The following ZNF33A variants were observed in gnomAD, a reference collection of about 807,000 sequenced individuals.
The protein encoded by ZNF33A is brain my041 protein.
In ZNF33A, 9 loss-of-function variants were observed where a neutral mutation model predicts 15.9. The observed-to-expected ratio is 0.57, with a 90% confidence interval of 0.34 to 0.99. ZNF33A has a LOEUF of 0.99. ZNF33A is among the 50% of genes least tolerant of loss of function. The pLI is 0.02. For synonymous variants in ZNF33A, 294 were observed against 324.2 expected (o/e 0.91, Z 1.00); for missense variants, 843 against 941.6 (o/e 0.90, Z 1.37).
downstream of ZNF33A, among the ~76,000 whole-genome samples, chr10:38,060,311 A>C (rs1423601454): frequency 6.6e-6 from 1 of 152,162 alleles, no homozygotes; most frequent in Non-Finnish European, 1.5e-5. Context: ...GTAACTTAGC[A>C]GACAGTCCTC....
chr10:38,043,801 TTC>T (rs2065822332), intron 4 of ZNF33A: 1 of 152,140 alleles, frequency 6.6e-6, no homozygotes, highest in Non-Finnish European at 1.5e-5. Context: ...GAAGTTGTAT[TTC>T]TCTTGATGCT....
At chr10:38,029,004 T>C (rs2065102226) in intron 4 of ZNF33A, among the ~76,000 whole-genome samples, 2 of 152,236 alleles carry the variant, frequency 1.3e-5, no homozygotes, top group Non-Finnish European at 2.9e-5. Flanking sequence ...TACGTCTTTA[T>C]ACATTGTGTA....
rs1471176723 is a variant in ZNF33A at position 38,010,702 on chromosome 10, A to G, written c.-126A>G. On this transcript the variant is annotated 5_prime_UTR_variant, in exon 1 of 5. Transcript: ENST00000432900. Reference sequence around the variant, plus strand: ...TTCCGCCTTTCCTTTTGTTTTTCTCAGGTTTTGCGTGGGAGGCGGTCCCGG... The same window carrying G: ...TTCCGCCTTTCCTTTTGTTTTTCTCGGGTTTTGCGTGGGAGGCGGTCCCGG... The G allele has an allele frequency of 6.3e-7, 1 of 1,597,592 alleles. No individual in the cohort carries two copies. The highest frequency in any genetic ancestry group is 1.1e-5 in the South Asian group (1 of 91,062).
At chr10:38,067,658 G>T (rs191155107), downstream of ZNF33A, among the ~76,000 whole-genome samples, 1 of 152,108 alleles carries the variant, frequency 6.6e-6, no homozygotes, top group Non-Finnish European at 1.5e-5. Context: ...GATTAACTGG[G>T]TGCAGGGCAT....
chr10:38,013,998 A>G (rs598857), intron 2 of ZNF33A, among the ~76,000 whole-genome samples: 112,830 of 147,364 alleles, frequency 0.77, 43,154 homozygotes, highest in South Asian at 0.88. Context: ...TGACAGGAAC[A>G]TTTTGGCCTG....
Position 38,047,180 on chromosome 10 carries a change from C to A in ZNF33A, c.251-7195C>A, listed in dbSNP as rs1318549531. 6.3e-5 allele frequency among the ~76,000 whole-genome samples: 7 copies of A among 111,796 alleles called. No homozygotes were observed. The East Asian group carries it at 1.8e-3, about 28-fold the overall frequency. 73.3% of individuals were successfully genotyped at this position (111,796 alleles called of 152,430 possible). On this transcript the variant is annotated intron_variant, in intron 4 of 4. Transcript: ENST00000432900. ...GGTGATGGAGTGAGACCGTCTCCCC[C>A]CACCCCTGCCAAAAAAAAAAAAAAA...
At chr10:38,036,317 A>G (rs904745992) in intron 4 of ZNF33A, among the ~76,000 whole-genome samples, 8 of 152,136 alleles carry the variant, frequency 5.3e-5, no homozygotes, top group African/African-American at 1.9e-4. Context: ...TGCGCCTGTA[A>G]TCCCAGCTCC....
At chr10:38,032,048 G>A (rs2065236422) in intron 4 of ZNF33A, among the ~76,000 whole-genome samples, 2 of 152,136 alleles carry the variant, frequency 1.3e-5, no homozygotes, top group African/African-American at 2.4e-5. Flanking sequence ...CTTTCTATAT[G>A]AGAGATGCTG....
At position 38,058,058 on chromosome 10, in the gene ZNF33A, A is replaced by T; in HGVS notation, c.*1498A>T. 1.0e-6 allele frequency: 1 copy of T among 984,366 alleles called. No individual in the cohort carries two copies. Among genetic ancestry groups the T allele is most frequent in the Non-Finnish European group, 1.2e-6 (1 of 828,942 alleles). The allele number at this position is 984,366 out of a possible 1,614,324, so 61.0% of individuals were successfully genotyped here. A position where few individuals can be genotyped will look rare whatever the true frequency, so the allele number is the denominator to read the frequency against. On this transcript the variant is annotated 3_prime_UTR_variant, in exon 5 of 5. Transcript: ENST00000432900. ...TAATCTAAGATTATACAGTCTAGTG[A>T]TCCTAGATTACACAAGTAATCTAAG...
intron 4 of ZNF33A, among the ~76,000 whole-genome samples, chr10:38,019,494 A>G (rs1475933220): frequency 6.6e-6 from 1 of 152,196 alleles, no homozygotes; most frequent in Non-Finnish European, 1.5e-5. Flanking sequence ...AAAATTTTCA[A>G]AGTAGCCAGA....
intron 4 of ZNF33A, among the ~76,000 whole-genome samples, chr10:38,050,336 A>G (rs1590679515): frequency 6.6e-6 from 1 of 152,230 alleles, no homozygotes; most frequent in Non-Finnish European, 1.5e-5. Context: ...GGCTTTTTCA[A>G]CATTTGAAAA....
chr10:38,017,128 A>G (rs2064489989), intron 3 of ZNF33A, 113 bp downstream of exon 3: 2 of 1,472,260 alleles, frequency 1.4e-6, no homozygotes, highest in East Asian at 2.3e-5. Flanking sequence ...TTCAGGAGTC[A>G]GTGTTGATTG....
intron 4 of ZNF33A, chr10:38,039,516 A>T (rs2065604074): frequency 2.2e-6 from 1 of 455,948 alleles, no homozygotes; most frequent in South Asian, 1.5e-5. Context: ...CATGAGCCAC[A>T]GCATCCCACC....
chr10:38,050,922 T>C (rs1417654301), intron 4 of ZNF33A, among the ~76,000 whole-genome samples: 1 of 147,668 alleles, frequency 6.8e-6, no homozygotes, highest in East Asian at 2.0e-4. Flanking sequence ...GAGTGTAGAT[T>C]CTCTGGTCTT....
rs34942508 is a variant in ZNF33A at position 38,042,503 on chromosome 10, C to CTTT, written c.251-11860_251-11858dup. On this transcript the variant is annotated intron_variant, in intron 4 of 4. Transcript: ENST00000432900. ...AGCCACTCTATTTTTTTGCTTTATT[C>CTTT]TTTTTTTTTTTTTTGCTTTGTTATT... is the stretch of plus-strand genomic sequence containing the variant. 3.2e-3 allele frequency among the ~76,000 whole-genome samples: 429 copies of CTTT among 135,502 alleles called. 4 individuals are homozygous for CTTT. The highest frequency in any genetic ancestry group is 9.5e-3 in the African/African-American group (344 of 36,312). 88.9% of individuals were successfully genotyped at this position (135,502 alleles called of 152,430 possible).
rs1443293605 is a variant in ZNF33A at position 38,012,247 on chromosome 10, T to G, written c.-44-51T>G. 8 of 1,591,368 alleles carry G rather than the reference T, an allele frequency of 5.0e-6. No individual in the cohort carries two copies. In the African/African-American group the frequency reaches 9.5e-5, roughly 19 times the overall value. On this transcript the variant is annotated intron_variant, in intron 1 of 4. Transcript: ENST00000432900. ...TCTTAGGGCGGAAGAATCCAGGAGT[T>G]GCCAGGCAGGCCAAATCTTTCATGA... is the stretch of plus-strand genomic sequence containing the variant.
Position 38,055,715 on chromosome 10 carries a change from G to A in ZNF33A, c.1591G>A (p.Gly531Arg). The A allele has an allele frequency of 6.2e-7, 1 of 1,613,712 alleles. No individual in the cohort carries two copies. Among genetic ancestry groups the A allele is most frequent in the Non-Finnish European group, 8.5e-7 (1 of 1,179,940 alleles). The stretch of plus-strand genomic sequence containing the variant: ...GAAACCTTATGAATGTTATGAATGT[G>A]GGAAAACCTTCTGCTTGAAGTCAGA... ...GWKPYECYEC[G>R]KTFCLKSDLT... Residue 531 changes from glycine to arginine, a missense_variant, in exon 5 of 5, where the codon GGG becomes AGG. Coordinates refer to ENST00000432900, the MANE Select transcript of ZNF33A (RefSeq NM_006954.2).
intron 4 of ZNF33A, among the ~76,000 whole-genome samples, chr10:38,042,896 C>T (rs1393054960): frequency 6.6e-6 from 1 of 152,048 alleles, no homozygotes; most frequent in Non-Finnish European, 1.5e-5. Flanking sequence ...GTTATAGGTC[C>T]AACAATACAG....
At chr10:38,062,908 C>T (rs538893770), downstream of ZNF33A, among the ~76,000 whole-genome samples, 3 of 142,220 alleles carry the variant, frequency 2.1e-5, no homozygotes, top group Middle Eastern at 3.9e-3. Flanking sequence ...GAGACTGAGG[C>T]AGGAGAATGG....
Sources: gnomAD v4.1 joint callset for allele counts (sites outside exome capture counted in the v4.1 genomes callset) on GRCh38, gnomAD v4.1.1 for gene constraint, MANE v1.5 for transcripts, NCBI Gene and HGNC (gene_info 2026-07-23, HGNC 2026-07-21) for gene names.